Variants in NRXN3 observed in about 807,000 individuals in gnomAD.
The protein encoded by NRXN3 is neurexin 3, also known as neurexin III.
Under a neutral mutation model 137.6 loss-of-function variants are expected in NRXN3, and 32 were observed. The ratio of observed to expected loss-of-function variants is 0.23; its 90% CI spans 0.18 to 0.31. NRXN3 has a LOEUF of 0.31. Ranked by LOEUF, NRXN3 falls within the 10% of genes least tolerant of loss-of-function variation. NRXN3 has a pLI of 1.00. For missense variants in NRXN3, 1,574 were observed against 2,062.5 expected (o/e 0.76, Z 4.59); for synonymous variants, 798 against 784.5 (o/e 1.02, Z -0.29).
chr14:79,030,920 T>C (rs1261789920), intron 15 of NRXN3, among the ~76,000 whole-genome samples: 1 of 152,024 alleles, frequency 6.6e-6, no homozygotes, highest in Non-Finnish European at 1.5e-5. Flanking sequence ...TGCCTCTCTC[T>C]GTTTGTATCT....
chr14:78,460,115 C>T (rs548364434), intron 4 of NRXN3, among the ~76,000 whole-genome samples: 3 of 152,222 alleles, frequency 2.0e-5, no homozygotes, highest in African/African-American at 4.8e-5. Context: ...ACAAAGAATA[C>T]TTATCAACAG....
intron 10 of NRXN3, among the ~76,000 whole-genome samples, chr14:78,934,792 A>C (rs1331025812): frequency 1.3e-5 from 2 of 151,432 alleles, no homozygotes; most frequent in Admixed American, 6.6e-5. Context: ...GGGGAACATC[A>C]CACACTGGGC....
chr14:78,507,948 G>C (rs1433135761), intron 4 of NRXN3, among the ~76,000 whole-genome samples: 2 of 152,150 alleles, frequency 1.3e-5, no homozygotes, highest in African/African-American at 4.8e-5. Flanking sequence ...TCTTTATACA[G>C]AGATGAAGGC....
chr14:79,192,700 CT>C (rs2064543017), intron 15 of NRXN3, among the ~76,000 whole-genome samples: 1 of 151,374 alleles, frequency 6.6e-6, no homozygotes, highest in Non-Finnish European at 1.5e-5. Context: ...AAGTTTGTCA[CT>C]GGGACGAATA....
chr14:78,203,330 G>A (rs2061852346), intron 1 of NRXN3, among the ~76,000 whole-genome samples: 1 of 152,176 alleles, frequency 6.6e-6, no homozygotes, highest in African/African-American at 2.4e-5. Flanking sequence ...TTGGCATTTT[G>A]GAGCTAGGTA....
Position 79,648,215 on chromosome 14 carries a change from A to AAAAC in NRXN3, c.3445-15563_3445-15562insAAAC, listed in dbSNP as rs36098453. On this transcript the variant is annotated intron_variant, in intron 16 of 20. Coordinates refer to ENST00000335750, the MANE Select transcript of NRXN3 (RefSeq NM_001330195.2). ...AAACAAACAAACAAACAAACAAAAA[A>AAAAC]CAGAAAACTTGATGATAAATGTCAA... is the stretch of plus-strand genomic sequence containing the variant. Among the ~76,000 whole-genome samples the AAAAC allele has an allele frequency of 3.5e-3, 451 of 128,982 alleles. 36 individuals carry two copies. The highest frequency in any genetic ancestry group is 0.011 in the African/African-American group (421 of 39,580). The allele number at this position is 128,982 out of a possible 152,430, so 84.6% of individuals were successfully genotyped here.
At chr14:78,600,881 T>C (rs2097196459) in intron 4 of NRXN3, among the ~76,000 whole-genome samples, 1 of 152,240 alleles carries the variant, frequency 6.6e-6, no homozygotes, top group Non-Finnish European at 1.5e-5. Context: ...CCATCCATTC[T>C]ATCACTTGGT....
intron 4 of NRXN3, among the ~76,000 whole-genome samples, chr14:78,624,279 T>G (rs541279466): frequency 6.6e-6 from 1 of 152,340 alleles, no homozygotes; most frequent in East Asian, 1.9e-4. Context: ...TGCCTGAAAT[T>G]TCACAGTTAT....
rs1238088527 is a variant in NRXN3, at chr14:79,866,051, A to G, written c.*4087A>G. The G allele has an allele frequency of 6.6e-6, 1 of 152,180 alleles. No homozygotes were observed. Among genetic ancestry groups the G allele is most frequent in the Non-Finnish European group, 1.5e-5 (1 of 68,030 alleles). 9.4% of individuals were successfully genotyped at this position (152,180 alleles called of 1,614,324 possible). A position where few individuals can be genotyped will look rare whatever the true frequency, so the allele number is the denominator to read the frequency against. The stretch of plus-strand genomic sequence containing the variant: ...TGTACAAGCTAGTCTACTATTGGCT[A>G]TTGTTACTTTGTTTCAATGAAGGCA... On this transcript the variant is annotated 3_prime_UTR_variant, in exon 21 of 21. Transcript: ENST00000335750.
At chr14:79,756,196 A>C (rs1447935507) in intron 19 of NRXN3, among the ~76,000 whole-genome samples, 1 of 152,152 alleles carries the variant, frequency 6.6e-6, no homozygotes, top group Admixed American at 6.6e-5. Context: ...CTTTTCTGAA[A>C]ATCATAGTAA....
intron 4 of NRXN3, among the ~76,000 whole-genome samples, chr14:78,626,882 G>A (rs1672885068): frequency 6.6e-6 from 1 of 152,208 alleles, no homozygotes; most frequent in East Asian, 1.9e-4. Context: ...TATATCACAA[G>A]CCATTGCATG....
chr14:78,879,865 CT>C (rs1208377866), intron 10 of NRXN3, among the ~76,000 whole-genome samples: 4 of 152,312 alleles, frequency 2.6e-5, no homozygotes, highest in African/African-American at 9.6e-5. Context: ...GGGACCCCCC[CT>C]GCCCCCCAAA....
At chr14:78,930,641 C>T (rs2099319030) in intron 10 of NRXN3, among the ~76,000 whole-genome samples, 1 of 152,148 alleles carries the variant, frequency 6.6e-6, no homozygotes, top group Non-Finnish European at 1.5e-5. Context: ...TTTATCTGCG[C>T]TGAAGGTGGC....
At chr14:78,415,300 C>G (rs2093068072) in intron 4 of NRXN3, among the ~76,000 whole-genome samples, 1 of 152,140 alleles carries the variant, frequency 6.6e-6, no homozygotes, top group Non-Finnish European at 1.5e-5. Flanking sequence ...TTAATATATT[C>G]ATGAAGAAGT....
intron 15 of NRXN3, among the ~76,000 whole-genome samples, chr14:79,444,099 T>C (rs1457208783): frequency 1.3e-5 from 2 of 152,170 alleles, no homozygotes; most frequent in Non-Finnish European, 2.9e-5. Flanking sequence ...GTGAATGCCA[T>C]GAAGTAGTGG....
At chr14:78,722,754 G>C (rs2098465825) in intron 8 of NRXN3, among the ~76,000 whole-genome samples, 1 of 152,184 alleles carries the variant, frequency 6.6e-6, no homozygotes, top group South Asian at 2.1e-4. Flanking sequence ...GCCAGGGACT[G>C]TGTTGAGCAC....
intron 1 of NRXN3, among the ~76,000 whole-genome samples, chr14:78,217,265 T>G (rs1273377500): frequency 6.6e-6 from 1 of 152,276 alleles, no homozygotes; most frequent in African/African-American, 2.4e-5. Flanking sequence ...ACATATATTT[T>G]CTTAACAATA....
intron 4 of NRXN3, among the ~76,000 whole-genome samples, chr14:78,529,341 A>G (rs1000367635): frequency 6.6e-6 from 1 of 152,192 alleles, no homozygotes; most frequent in Non-Finnish European, 1.5e-5. Context: ...TAAGAGTGGG[A>G]AATTCAAATC....
chr14:79,155,326 T>A (rs2060165627), intron 15 of NRXN3, among the ~76,000 whole-genome samples: 1 of 151,900 alleles, frequency 6.6e-6, no homozygotes, highest in Admixed American at 6.6e-5. Context: ...AGATAAAATG[T>A]AGATTATATA....
Sources: allele counts gnomAD v4.1 joint callset (sites outside exome capture counted in the v4.1 genomes callset), GRCh38; gene constraint gnomAD v4.1.1; transcripts MANE v1.5; gene names NCBI Gene and HGNC (gene_info 2026-07-23, HGNC 2026-07-21).